ZHX3: variants seen among roughly 807,000 people sequenced by gnomAD.
ZHX3 encodes zinc fingers and homeoboxes protein 3.
A neutral mutation model predicts 64.5 loss-of-function variants in ZHX3; 20 were observed. That is an observed-to-expected ratio of 0.31 (90% CI 0.22 to 0.45). The LOEUF is 0.45. Among genes scored for constraint, ZHX3 ranks in the 20% least tolerant of loss-of-function variants. ZHX3 has a pLI of 1.00. For missense variants in ZHX3, 1,041 were observed against 1,195.8 expected (o/e 0.87, Z 1.91); for synonymous variants, 423 against 461.6 (o/e 0.92, Z 1.07).
At chr20:41,250,620 AAG>A (rs2041945145) in intron 2 of ZHX3, among the ~76,000 whole-genome samples, 1 of 152,220 alleles carries the variant, frequency 6.6e-6, no homozygotes, top group Non-Finnish European at 1.5e-5. Context: ...GAAGGGCTGA[AAG>A]AGTATTCAAA....
Position 41,224,686 on chromosome 20 carries a change from CA to C in ZHX3, c.-150-19621del, listed in dbSNP as rs1022393556. 1.2e-4 allele frequency among the ~76,000 whole-genome samples: 18 copies of C among 152,226 alleles called. No homozygotes were observed. Among genetic ancestry groups the C allele is most frequent in the Admixed American group, 8.5e-4 (13 of 15,284 alleles). ...AAGGAGGATTAGGATTCTTTCATCA[CA>C]AGGCCATTTGGATACACGTTTTCAG... is the stretch of plus-strand genomic sequence containing the variant. On this transcript the variant is annotated intron_variant, in intron 2 of 3. Transcript: ENST00000683867. This position sits in a 1 kb window ranked among gnomAD's most constrained non-coding sequence, Gnocchi z 5.2.
rs149269548 is a variant in ZHX3 at position 41,230,239 on chromosome 20, C to T, written c.-150-25173G>A. On this transcript the variant is annotated intron_variant, in intron 2 of 3. Coordinates refer to ENST00000683867, the MANE Select transcript of ZHX3 (RefSeq NM_001384317.1). ...AATGTGGCCCATAGGACACTTATCACGTATTGGCTCTCATTGTATTTCTGT... is the reference window on the plus strand; with the variant it reads ...AATGTGGCCCATAGGACACTTATCATGTATTGGCTCTCATTGTATTTCTGT... Among the ~76,000 whole-genome samples, 93 of 151,968 alleles carry T rather than the reference C, an allele frequency of 6.1e-4. 1 individual carries two copies. The East Asian group carries it at 0.015, about 24-fold the overall frequency.
At chr20:41,237,724 C>A (rs191457716) in intron 2 of ZHX3, among the ~76,000 whole-genome samples, 1 of 151,830 alleles carries the variant, frequency 6.6e-6, no homozygotes, top group Non-Finnish European at 1.5e-5. Context: ...CAAACCTGCA[C>A]GTTGTGCACA....
chr20:41,193,931 A>G (rs1024431449), intron 3 of ZHX3, among the ~76,000 whole-genome samples: 8 of 151,964 alleles, frequency 5.3e-5, no homozygotes. Flanking sequence ...CGATCTCTTG[A>G]CCTTGTGATC....
At chr20:41,267,298 G>T (rs1438803183) in intron 2 of ZHX3, among the ~76,000 whole-genome samples, 2 of 152,150 alleles carry the variant, frequency 1.3e-5, no homozygotes, top group Non-Finnish European at 2.9e-5. Flanking sequence ...GTTTGACAAT[G>T]ATTTTTAAGC....
chr20:41,315,347 T>C (rs963654054), intron 1 of ZHX3, among the ~76,000 whole-genome samples: 2 of 36,112 alleles, frequency 5.5e-5, no homozygotes, highest in Admixed American at 5.5e-4. Context: ...CAGGCCTGGC[T>C]TTTTTTTTTT....
At chr20:41,305,461 C>T (rs1379695711) in intron 1 of ZHX3, among the ~76,000 whole-genome samples, 1 of 152,076 alleles carries the variant, frequency 6.6e-6, no homozygotes, top group Non-Finnish European at 1.5e-5. Context: ...CACTGCACTC[C>T]AGTCTGGGCA....
chr20:41,227,547 G>A (rs2040349810), intron 2 of ZHX3, among the ~76,000 whole-genome samples: 1 of 152,188 alleles, frequency 6.6e-6, no homozygotes, highest in Admixed American at 6.5e-5. Flanking sequence ...TACTGGGGAA[G>A]AGTTAACTTC....
At chr20:41,216,179 G>A (rs2039520625) in intron 2 of ZHX3, among the ~76,000 whole-genome samples, 1 of 152,290 alleles carries the variant, frequency 6.6e-6, no homozygotes, top group East Asian at 1.9e-4. Context: ...TACTCGTGAT[G>A]TATAACAGAC....
At chr20:41,310,094 C>A (rs929736104) in intron 1 of ZHX3, among the ~76,000 whole-genome samples, 4 of 152,166 alleles carry the variant, frequency 2.6e-5, no homozygotes, top group Non-Finnish European at 5.9e-5. Flanking sequence ...CGTTAGTCAC[C>A]CCCTGGCCAA....
intron 1 of ZHX3, among the ~76,000 whole-genome samples, chr20:41,277,871 G>A (rs1471778163): frequency 3.6e-5 from 5 of 137,762 alleles, no homozygotes; most frequent in Admixed American, 7.2e-5. Context: ...GATTACAGGC[G>A]TGAGCCACCA....
intron 1 of ZHX3, among the ~76,000 whole-genome samples, chr20:41,297,568 GAATGGACTCTCCAA>G (rs971498429): frequency 1.3e-5 from 2 of 152,186 alleles, no homozygotes; most frequent in African/African-American, 4.8e-5. Flanking sequence ...TAGAGCACAA[GAATGGACTCTCCAA>G]AACCAAAGGG....
At chr20:41,243,350 C>G (rs892361593) in intron 2 of ZHX3, among the ~76,000 whole-genome samples, 2 of 152,146 alleles carry the variant, frequency 1.3e-5, no homozygotes, top group African/African-American at 4.8e-5. Flanking sequence ...TAATAAGAAA[C>G]AGTTCCATTC....
intron 1 of ZHX3, among the ~76,000 whole-genome samples, chr20:41,290,768 C>T (rs917111225): frequency 6.6e-6 from 1 of 152,156 alleles, no homozygotes; most frequent in Non-Finnish European, 1.5e-5. Context: ...ATGGCAGAGC[C>T]AGTTTCTTAA....
chr20:41,305,559 C>A (rs971743366), intron 1 of ZHX3, among the ~76,000 whole-genome samples: 1 of 151,912 alleles, frequency 6.6e-6, no homozygotes, highest in Non-Finnish European at 1.5e-5. Context: ...CCGGGACGGG[C>A]GGATCACGAG....
intron 2 of ZHX3, among the ~76,000 whole-genome samples, chr20:41,245,840 C>T (rs369000559): frequency 1.4e-4 from 22 of 152,336 alleles, no homozygotes; most frequent in African/African-American, 4.8e-4. Context: ...CTGCACTTTT[C>T]TACCTTGAAA....
At chr20:41,282,788 T>C (rs938527444) in intron 1 of ZHX3, among the ~76,000 whole-genome samples, 2 of 152,240 alleles carry the variant, frequency 1.3e-5, no homozygotes, top group Admixed American at 6.5e-5. Context: ...ACATGACATC[T>C]CATGTCTGTT....
intron 2 of ZHX3, among the ~76,000 whole-genome samples, chr20:41,208,933 T>G (rs1435030503): frequency 2.0e-5 from 3 of 152,212 alleles, no homozygotes; most frequent in African/African-American, 7.2e-5. Context: ...ATTGTATATT[T>G]AGAAAACCCC....
Position 41,205,069 on chromosome 20 carries a change from A to G in ZHX3, c.-150-3T>C. The G allele has an allele frequency of 7.9e-7, 1 of 1,264,744 alleles. No individual in the cohort carries two copies. Among genetic ancestry groups the G allele is most frequent in the Non-Finnish European group, 1.0e-6 (1 of 983,610 alleles). The allele number at this position is 1,264,744 out of a possible 1,614,324, so 78.3% of individuals were successfully genotyped here. ...AAAGCAGGTTTTCCCTATTCAATCTAAGGAAAGGGAGAAAAAAATGATTAA... is the reference window on the plus strand; with the variant it reads ...AAAGCAGGTTTTCCCTATTCAATCTGAGGAAAGGGAGAAAAAAATGATTAA... On this transcript the variant is annotated splice_polypyrimidine_tract_variant and splice_region_variant and intron_variant, in intron 2 of 3. Coordinates refer to ENST00000683867, the MANE Select transcript of ZHX3 (RefSeq NM_001384317.1).
Sources: gnomAD v4.1 joint callset for allele counts (sites outside exome capture counted in the v4.1 genomes callset) on GRCh38, gnomAD v4.1.1 for gene constraint, Gnocchi (gnomAD v3.1) non-coding constraint, MANE v1.5 for transcripts, NCBI Gene and HGNC (gene_info 2026-07-23, HGNC 2026-07-21) for gene names.